Variants in SREBF1 observed in about 807,000 individuals in gnomAD.
SREBF1 encodes the protein sterol regulatory element binding transcription factor 1, also known as sterol regulatory element-binding protein 1.
In SREBF1, 45 loss-of-function variants were observed where a neutral mutation model predicts 100.1. The observed-to-expected ratio is 0.45, with a 90% CI of 0.35 to 0.58. SREBF1 has a LOEUF of 0.58. Ranked by LOEUF, SREBF1 falls within the 20% of genes least tolerant of loss-of-function variation. The pLI is 0.00. For missense variants in SREBF1, 1,324 were observed against 1,539.4 expected (o/e 0.86, Z 2.34); for synonymous variants, 657 against 681.8 (o/e 0.96, Z 0.57).
rs2032931491 is a variant in SREBF1 at position 17,812,117 on chromosome 17, T to A, written c.*505A>T. ...TTTTTAATTCTCTGTACAAAACTTC[T>A]CAATCTATGAAAATAAAGTTTGCAA... On this transcript the variant is annotated 3_prime_UTR_variant, in exon 19 of 19. Coordinates refer to ENST00000261646, the MANE Select transcript of SREBF1 (RefSeq NM_004176.5). 1 of 424,124 alleles carries A rather than the reference T, an allele frequency of 2.4e-6. No individual in the cohort carries two copies. The highest frequency in any genetic ancestry group is 2.1e-5 in the African/African-American group (1 of 47,346). The allele number at this position is 424,124 out of a possible 1,614,324, so 26.3% of individuals were successfully genotyped here. A position where few individuals can be genotyped will look rare whatever the true frequency, so the allele number is the denominator to read the frequency against.
rs1934339004 is a variant in SREBF1, at chr17:17,819,446, C to G, written c.720G>C (p.Leu240=). Residue 240 remains leucine, a synonymous_variant, in exon 4 of 19, where the codon CTG becomes CTC. Transcript: ENST00000261646. ...AGTCTGCCTTGATGAAGTGGGGCTG[C>G]AGCAGGACCTGAGGGTGGGAGAGGC... ...TSQIQQVPVL[L]QPHFIKADSL... 6.2e-7 allele frequency: 1 copy of G among 1,613,678 alleles called. No individual in the cohort carries two copies. The highest frequency in any genetic ancestry group is 1.7e-5 in the Admixed American group (1 of 60,012).
chr17:17,814,832 C>A lies in SREBF1; in HGVS notation c.2602+3G>T, dbSNP rs45567732. On this transcript the variant is annotated splice_donor_region_variant and intron_variant, in intron 14 of 18. Transcript: ENST00000261646. ...GGAGCCAGGACAGGGGCCGGGGACT[C>A]ACCGGTGGTGGTGGCCATGCTGGAA... 6.4e-3 allele frequency: 10,223 copies of A among 1,598,608 alleles called. 127 individuals are homozygous for A. Among genetic ancestry groups the A allele is most frequent in the South Asian group, 0.029 (2,606 of 88,936 alleles).
rs993759799 is a variant in SREBF1 at position 17,811,951 on chromosome 17, A to C, written c.*671T>G. On this transcript the variant is annotated 3_prime_UTR_variant, in exon 19 of 19. Transcript: ENST00000261646. ...CCACTAACAAACAAACATCGGGAAGAGCTAAGTTAAAAGTTGTGTACCTTG... is the reference window on the plus strand; with the variant it reads ...CCACTAACAAACAAACATCGGGAAGCGCTAAGTTAAAAGTTGTGTACCTTG... 6.5e-5 allele frequency: 29 copies of C among 447,746 alleles called. No individual in the cohort carries two copies. Among genetic ancestry groups the C allele is most frequent in the Non-Finnish European group, 1.1e-4 (24 of 224,242 alleles). 27.7% of individuals were successfully genotyped at this position (447,746 alleles called of 1,614,324 possible). A position where few individuals can be genotyped will look rare whatever the true frequency, so the allele number is the denominator to read the frequency against.
intron 2 of SREBF1, 103 bp from the exon 3 acceptor site, chr17:17,819,828 C>G: frequency 7.0e-7 from 1 of 1,418,668 alleles, no homozygotes; most frequent in Non-Finnish European, 9.4e-7. Flanking sequence ...GAGTCATTGC[C>G]CCATGTGGCT....
In SREBF1 at chr17:17,817,701, T is replaced by G; in HGVS notation, c.1399A>C (p.Ser467Arg). 6.2e-7 allele frequency: 1 copy of G among 1,613,210 alleles called. No individual in the cohort carries two copies. Among genetic ancestry groups the G allele is most frequent in the Non-Finnish European group, 8.5e-7 (1 of 1,179,934 alleles). Residue 467 changes from serine to arginine, a missense_variant, in exon 7 of 19, where the codon AGC becomes CGC. Coordinates refer to ENST00000261646, the MANE Select transcript of SREBF1 (RefSeq NM_004176.5). The surrounding 1 kb of genome is among the most constrained non-coding windows in gnomAD (Gnocchi z 6.6). ...GCACCGTGGCAGGGCCCAACCTTGC[T>G]GTCCTCAAAGACTGGGCTGTCAGGC... ...SEPDSPVFED[S>R]KAKPEQRPSL...
Position 17,820,189 on chromosome 17 carries a change from C to G in SREBF1, c.424G>C (p.Gly142Arg). ...GGGAAGCTCTGTGGCAGGAGGGCCC[C>G]TGGCAGGGGCTGTGGGGTGGGGGTC... Reference protein sequence around the residue: ...LQTPTPQPLPGALLPQSFPAP... With the variant: ...LQTPTPQPLPRALLPQSFPAP... Residue 142 changes from glycine to arginine, a missense_variant, in exon 2 of 19, where the codon GGG becomes CGG. By Grantham distance (125) the Gly-to-Arg change is moderately radical. Transcript: ENST00000261646. 1 of 1,613,274 alleles carries G rather than the reference C, an allele frequency of 6.2e-7. No individual in the cohort carries two copies. The highest frequency in any genetic ancestry group is 1.7e-4 in the Middle Eastern group (1 of 6,050).
At position 17,816,727 on chromosome 17, in the gene SREBF1, G is replaced by A; in HGVS notation, c.1786-9C>T. 2 of 1,575,878 alleles carry A rather than the reference G, an allele frequency of 1.3e-6. No homozygotes were observed. Among genetic ancestry groups the A allele is most frequent in the African/African-American group, 2.7e-5 (2 of 74,440 alleles). On this transcript the variant is annotated splice_polypyrimidine_tract_variant and intron_variant, in intron 9 of 18. Transcript: ENST00000261646. ...GCCTGGGCAAAGTCTCCCTGTGGAT[G>A]AGGGTTTTCCAGGTGAGAAAAGTGA...
Position 17,816,272 on chromosome 17 carries a change from C to A in SREBF1, c.2149G>T (p.Glu717Ter). The change falls in exon 11 of 19, where the codon GAG becomes TAG. Residue 717 changes from glutamate to a stop codon, truncating the protein, a stop_gained. Transcript: ENST00000261646. LOFTEE classifies it high-confidence loss of function. ...CTCAATGCAGCCGCCACATAGATCT[C>A]GGCCAGCGTCGCCACAGACACGGCA... ...GDAVSVATLA[E>*]IYVAAALRVK... 6.3e-7 allele frequency: 1 copy of A among 1,595,932 alleles called. No homozygotes were observed. The highest frequency in any genetic ancestry group is 2.3e-5 in the East Asian group (1 of 43,940).
intron 1 of SREBF1, among the ~76,000 whole-genome samples, chr17:17,836,257 G>C (rs1271689365): frequency 6.6e-6 from 1 of 152,294 alleles, no homozygotes; most frequent in Non-Finnish European, 1.5e-5. Context: ...AAGGGCGCGA[G>C]GCAGCGCCCA....
At chr17:17,829,338 T>G (rs2034716305) in intron 1 of SREBF1, among the ~76,000 whole-genome samples, 2 of 151,346 alleles carry the variant, frequency 1.3e-5, no homozygotes, top group Admixed American at 1.3e-4. Flanking sequence ...TTAAAGCTCA[T>G]ATGAAGGCAG....
At chr17:17,814,445 C>A (rs1332311882) in intron 15 of SREBF1, 35 bp from the exon 16 acceptor site, 1 of 1,548,892 alleles carries the variant, frequency 6.5e-7, no homozygotes. Flanking sequence ...GCCAGTCAGA[C>A]CAGTCCACAA....
At chr17:17,812,879 G>A in intron 18 of SREBF1, 28 bp from the exon 19 acceptor site, 1 of 1,469,212 alleles carries the variant, frequency 6.8e-7, no homozygotes. Flanking sequence ...TGTCAGGGAT[G>A]GGTCTCAAGC....
chr17:17,833,352 C>T (rs576927442), intron 1 of SREBF1, among the ~76,000 whole-genome samples: 30 of 134,230 alleles, frequency 2.2e-4, no homozygotes, highest in African/African-American at 4.6e-4. Context: ...ACCTGGGAGG[C>T]GGAGCTTGCA....
At chr17:17,831,899 G>A (rs1309981552) in intron 1 of SREBF1, among the ~76,000 whole-genome samples, 1 of 152,188 alleles carries the variant, frequency 6.6e-6, no homozygotes, top group Admixed American at 6.5e-5. Context: ...GTGGCAGGCA[G>A]CAGGACCGGA....
intron 5 of SREBF1, 150 bp from the exon 6 acceptor site, chr17:17,818,524 C>G (rs1320690265): frequency 1.5e-6 from 1 of 670,846 alleles, no homozygotes. Context: ...CTGAACCGTT[C>G]CTCGCCTAGT....
intron 1 of SREBF1, among the ~76,000 whole-genome samples, chr17:17,829,205 A>AAAATATATATATATATATATATAT (rs1210718799): frequency 6.1e-5 from 4 of 65,844 alleles, no homozygotes; most frequent in African/African-American, 2.6e-4. Flanking sequence ...AAAAAAAAAA[A>AAAATATATATATATATATATATAT]ATATATATAT....
intron 1 of SREBF1, chr17:17,823,375 G>T: frequency 2.7e-6 from 2 of 735,638 alleles, no homozygotes; most frequent in Non-Finnish European, 4.9e-6. Context: ...TCCCCAGCGA[G>T]CTGGTAACTG....
chr17:17,817,709 A>C lies in SREBF1; in HGVS notation c.1391T>G (p.Phe464Cys). 6.2e-7 allele frequency: 1 copy of C among 1,613,274 alleles called. No individual in the cohort carries two copies. Among genetic ancestry groups the C allele is most frequent in the Non-Finnish European group, 8.5e-7 (1 of 1,179,956 alleles). Residue 464 changes from phenylalanine (F) to cysteine (C), a missense_variant, in exon 7 of 19, where the codon TTT (phenylalanine) becomes TGT (cysteine). Physicochemically the swap from Phe to Cys is radical, Grantham distance 205. Coordinates refer to ENST00000261646, the MANE Select transcript of SREBF1 (RefSeq NM_004176.5). The surrounding 1 kb of genome is among the most constrained non-coding windows in gnomAD (Gnocchi z 6.6). ...GCAGGGCCCAACCTTGCTGTCCTCA[A>C]AGACTGGGCTGTCAGGCTCCGAGTC... ...GSDSEPDSPV[F>C]EDSKAKPEQR...
intron 1 of SREBF1, among the ~76,000 whole-genome samples, chr17:17,828,637 T>G (rs2034636606): frequency 1.3e-5 from 2 of 152,198 alleles, no homozygotes; most frequent in Non-Finnish European, 1.5e-5. Flanking sequence ...GTGCTAAGGT[T>G]AGGCGCAGGG....
Sources: allele counts gnomAD v4.1 joint callset (sites outside exome capture counted in the v4.1 genomes callset), GRCh38; gene constraint gnomAD v4.1.1; non-coding constraint Gnocchi (gnomAD v3.1); transcripts MANE v1.5; gene names NCBI Gene and HGNC (gene_info 2026-07-23, HGNC 2026-07-21).